NELL1: variants seen among roughly 807,000 people sequenced by gnomAD.
The protein encoded by NELL1 is neural EGFL like 1.
Under a neutral mutation model 107.4 loss-of-function variants are expected in NELL1, and 76 were observed. The observed-to-expected ratio is 0.71, with a 90% CI of 0.59 to 0.86. NELL1 has a LOEUF of 0.86. Ranked by LOEUF, NELL1 falls within the 40% of genes least tolerant of loss-of-function variation. The probability of loss-of-function intolerance (pLI) is 0.00; values close to 1 mark genes in which losing one functional copy is unlikely to be tolerated. For missense variants in NELL1, 1,024 were observed against 1,005.5 expected, an observed-to-expected ratio of 1.02 and a Z score of -0.25; for synonymous variants, 353 against 341.2, an observed-to-expected ratio of 1.03 and a Z score of -0.38.
At chr11:21,473,215 G>A (rs902916899) in intron 15 of NELL1, among the ~76,000 whole-genome samples, 4 of 152,004 alleles carry the variant, frequency 2.6e-5, no homozygotes, top group East Asian at 3.8e-4. Context: ...CAACATTCCA[G>A]GTAGAAGAAT....
At chr11:21,042,212 A>G (rs201179764) in intron 12 of NELL1, among the ~76,000 whole-genome samples, 2 of 152,360 alleles carry the variant, frequency 1.3e-5, no homozygotes, top group East Asian at 3.9e-4. Context: ...GTATTCAGTT[A>G]TAAAGAATTC....
chr11:21,059,941 A>G (rs898717822), intron 12 of NELL1, among the ~76,000 whole-genome samples: 9 of 152,200 alleles, frequency 5.9e-5, no homozygotes, highest in Non-Finnish European at 5.9e-5. Context: ...AACAATGTCT[A>G]GTAACAAGAA....
At chr11:20,742,374 T>G (rs1287285133) in intron 2 of NELL1, among the ~76,000 whole-genome samples, 2 of 152,198 alleles carry the variant, frequency 1.3e-5, no homozygotes, top group Non-Finnish European at 2.9e-5. Context: ...GAAATTATAA[T>G]GCCTTTCCTC....
chr11:20,916,043 T>G (rs1850249034), intron 5 of NELL1, among the ~76,000 whole-genome samples: 1 of 151,812 alleles, frequency 6.6e-6, no homozygotes, highest in Non-Finnish European at 1.5e-5. Context: ...CTTACAACCA[T>G]TCAAATAAAT....
At chr11:21,028,623 A>G (rs1186707539) in intron 12 of NELL1, among the ~76,000 whole-genome samples, 1 of 152,084 alleles carries the variant, frequency 6.6e-6, no homozygotes, top group Non-Finnish European at 1.5e-5. Context: ...TTCCCCTATC[A>G]GTTGTATCCA....
chr11:20,746,232 CCTTA>C, intron 2 of NELL1, among the ~76,000 whole-genome samples: 1 of 152,056 alleles, frequency 6.6e-6, no homozygotes, highest in Non-Finnish European at 1.5e-5. Context: ...GGACCTTTGA[CCTTA>C]CTTCTTACTA....
At chr11:21,289,851 C>A (rs1053316089) in intron 14 of NELL1, among the ~76,000 whole-genome samples, 2 of 152,134 alleles carry the variant, frequency 1.3e-5, no homozygotes, top group African/African-American at 4.8e-5. Context: ...GCAATTTTCC[C>A]CTCACAGTGT....
chr11:20,929,719 C>T (rs1263738123), intron 9 of NELL1, among the ~76,000 whole-genome samples: 1 of 152,108 alleles, frequency 6.6e-6, no homozygotes, highest in African/African-American at 2.4e-5. Context: ...CGCTTCTAAT[C>T]CCAGCACTTT....
At chr11:21,298,669 G>A (rs1270105634) in intron 14 of NELL1, among the ~76,000 whole-genome samples, 2 of 151,980 alleles carry the variant, frequency 1.3e-5, no homozygotes, top group Non-Finnish European at 2.9e-5. Context: ...AGGGTCTATG[G>A]TAATTCCCAT....
At chr11:21,114,104 A>T (rs1364680847) in intron 13 of NELL1, among the ~76,000 whole-genome samples, 1 of 152,050 alleles carries the variant, frequency 6.6e-6, no homozygotes, top group African/African-American at 2.4e-5. Context: ...AAAGACAAGG[A>T]TTAAATTTAA....
intron 5 of NELL1, among the ~76,000 whole-genome samples, chr11:20,915,079 A>G (rs1313706555): frequency 6.6e-6 from 1 of 152,088 alleles, no homozygotes; most frequent in Non-Finnish European, 1.5e-5. Flanking sequence ...ATCTACTACA[A>G]TAGGAACTTC....
intron 15 of NELL1, among the ~76,000 whole-genome samples, chr11:21,407,732 C>T (rs1208636107): frequency 1.3e-5 from 2 of 150,922 alleles, no homozygotes; most frequent in African/African-American, 4.9e-5. Flanking sequence ...TCCCTCTCAC[C>T]CACTTCCCTT....
intron 12 of NELL1, among the ~76,000 whole-genome samples, chr11:21,105,864 C>CTTCCCCCCT (rs1407061847): frequency 8.4e-5 from 1 of 11,960 alleles, no homozygotes. Flanking sequence ...TCTCCCCTCC[C>CTTCCCCCCT]CCTCCCCTTC....
chr11:21,147,163 G>A (rs1265577423), intron 13 of NELL1, among the ~76,000 whole-genome samples: 2 of 152,190 alleles, frequency 1.3e-5, no homozygotes, highest in Non-Finnish European at 2.9e-5. Flanking sequence ...AGTGATAGTA[G>A]TTCCGTGGGG....
At chr11:21,536,233 T>C (rs2074494263) in intron 16 of NELL1, among the ~76,000 whole-genome samples, 1 of 152,114 alleles carries the variant, frequency 6.6e-6, no homozygotes, top group Non-Finnish European at 1.5e-5. Flanking sequence ...ACACAATAGG[T>C]AGCCTTCCAA....
chr11:21,439,623 G>C (rs1374854414), intron 15 of NELL1, among the ~76,000 whole-genome samples: 1 of 152,000 alleles, frequency 6.6e-6, no homozygotes, highest in African/African-American at 2.4e-5. Flanking sequence ...TCTGCTTTTG[G>C]GATCATTTCT....
chr11:21,298,802 A>G (rs919627346), intron 14 of NELL1, among the ~76,000 whole-genome samples: 1 of 152,002 alleles, frequency 6.6e-6, no homozygotes, highest in South Asian at 2.1e-4. Flanking sequence ...AGCAGCAGCA[A>G]CAACAACATT....
rs562028146 is a variant in NELL1, at chr11:20,723,754, A to G, written c.184+45694A>G. 3.3e-5 allele frequency among the ~76,000 whole-genome samples: 5 copies of G among 152,030 alleles called. No individual in the cohort carries two copies. In the South Asian group the frequency reaches 1.0e-3, roughly 32 times the overall value. On this transcript the variant is annotated intron_variant, in intron 2 of 19. Transcript: ENST00000357134. Reference sequence around the variant, plus strand: ...CTGTGGGGGGGGGCTCCAACCCCACATTTTCCTTCCACACTGGCCTAGCAG... The same window carrying G: ...CTGTGGGGGGGGGCTCCAACCCCACGTTTTCCTTCCACACTGGCCTAGCAG...
intron 15 of NELL1, among the ~76,000 whole-genome samples, chr11:21,421,687 C>T (rs911977912): frequency 3.5e-4 from 53 of 152,042 alleles, no homozygotes; most frequent in African/African-American, 1.2e-3. Flanking sequence ...TGTGGGAGTC[C>T]CACAAGCAGA....
Sources: allele counts gnomAD v4.1 joint callset (sites outside exome capture counted in the v4.1 genomes callset), GRCh38; gene constraint gnomAD v4.1.1; transcripts MANE v1.5; gene names NCBI Gene and HGNC (gene_info 2026-07-23, HGNC 2026-07-21).